The following NEU3 variants were observed in gnomAD, a reference collection of about 807,000 sequenced individuals.
NEU3 encodes the protein neuraminidase 3.
Under a neutral mutation model 11.4 loss-of-function variants are expected in NEU3, and 10 were observed. The observed-to-expected ratio is 0.88, with a 90% confidence interval of 0.54 to 1.49. The LOEUF is 1.49. Among genes scored for constraint, NEU3 ranks in the 40% most tolerant of loss-of-function variants. The pLI is 0.00. For synonymous variants in NEU3, 212 were observed against 228.2 expected, an observed-to-expected ratio of 0.93 and a Z score of 0.64; for missense variants, 529 against 581.8, an observed-to-expected ratio of 0.91 and a Z score of 0.93.
intron 1 of NEU3, among the ~76,000 whole-genome samples, chr11:74,992,968 A>G (rs1416821251): frequency 6.6e-6 from 1 of 152,178 alleles, no homozygotes; most frequent in Non-Finnish European, 1.5e-5. Flanking sequence ...CTCAAAAGAA[A>G]AAAAATAACA....
chr11:74,980,687 A>C, the NEU3 span, among the ~76,000 whole-genome samples: 1 of 152,250 alleles, frequency 6.6e-6, no homozygotes, highest in African/African-American at 2.4e-5. Context: ...TTTTAAATAC[A>C]TACACATATC....
downstream of NEU3, among the ~76,000 whole-genome samples, chr11:75,019,620 C>T (rs1251678623): frequency 6.6e-6 from 1 of 152,204 alleles, no homozygotes; most frequent in East Asian, 1.9e-4. Context: ...ATGGTTCCTG[C>T]CCCACGTGGT....
the NEU3 span, among the ~76,000 whole-genome samples, chr11:74,982,072 C>T: frequency 4.3e-4 from 65 of 152,286 alleles, no homozygotes; most frequent in African/African-American, 1.5e-3. Context: ...ATGGCCATGG[C>T]TGATGAATGA....
Position 75,006,645 on chromosome 11 carries a change from C to A in NEU3, c.*153C>A. 1.2e-6 allele frequency: 1 copy of A among 864,904 alleles called. No homozygotes were observed. The highest frequency in any genetic ancestry group is 1.7e-6 in the Non-Finnish European group (1 of 583,240). The allele number at this position is 864,904 out of a possible 1,614,324, so 53.6% of individuals were successfully genotyped here. A position where few individuals can be genotyped will look rare whatever the true frequency, so the allele number is the denominator to read the frequency against. Reference sequence around the variant, plus strand: ...CCAAAGAGCAAAATGAAAATTTTGCCTTAGCTACTGCAGTGGAAAGAGCAC... The same window carrying A: ...CCAAAGAGCAAAATGAAAATTTTGCATTAGCTACTGCAGTGGAAAGAGCAC... On this transcript the variant is annotated 3_prime_UTR_variant, in exon 3 of 3. Transcript: ENST00000294064.
At position 74,994,692 on chromosome 11, in the gene NEU3, G is replaced by A. The variant is rs375051567; in HGVS notation, c.278G>A (p.Arg93Gln). The A allele has an allele frequency of 5.0e-6, 8 of 1,613,908 alleles. No individual in the cohort carries two copies. The highest frequency in any genetic ancestry group is 2.7e-5 in the African/African-American group (2 of 74,934). ...DEDALHLVLR[R>Q]GLRIGQLVQW... ...GATGCTCTCCACCTGGTGCTGAGGC[G>A]AGGGTTGAGGATTGGGCAGTTGGTA... Residue 93 changes from arginine to glutamine, a missense_variant, in exon 2 of 3, where the codon CGA becomes CAA. Arg to Gln is a conservative substitution (Grantham distance 43). Coordinates refer to ENST00000294064, the MANE Select transcript of NEU3 (RefSeq NM_006656.6).
intron 1 of NEU3, among the ~76,000 whole-genome samples, chr11:74,991,530 G>A (rs1948732357): frequency 6.6e-6 from 1 of 152,204 alleles, no homozygotes; most frequent in African/African-American, 2.4e-5. Flanking sequence ...TGGAAGATTG[G>A]TCTAAAATCA....
intron 3 of NEU3, among the ~76,000 whole-genome samples, chr11:75,018,133 C>G (rs1565500978): frequency 6.6e-6 from 1 of 151,774 alleles, no homozygotes; most frequent in Admixed American, 6.6e-5. Flanking sequence ...AAATTCTGAG[C>G]CTACTTTTCT....
chr11:74,985,227 T>G (rs1263424618), upstream of NEU3, among the ~76,000 whole-genome samples: 1 of 152,116 alleles, frequency 6.6e-6, no homozygotes, highest in Non-Finnish European at 1.5e-5. Flanking sequence ...TTCAGACAAA[T>G]AAGGCTTAAA....
At position 75,001,112 on chromosome 11, in the gene NEU3, C is replaced by T. The variant is rs149115921; in HGVS notation, c.307-4301C>T. Among the ~76,000 whole-genome samples, 109 of 152,072 alleles carry T rather than the reference C, an allele frequency of 7.2e-4. No individual in the cohort carries two copies. The East Asian group carries it at 9.1e-3, about 13-fold the overall frequency. ...TGGTTCTAGTTTTCCACATCCCCAC[C>T]GACATTTGTCATTTTCTGGTGTGTG... is the stretch of plus-strand genomic sequence containing the variant. On this transcript the variant is annotated intron_variant, in intron 2 of 2. Coordinates refer to ENST00000294064, the MANE Select transcript of NEU3 (RefSeq NM_006656.6).
At position 75,006,623 on chromosome 11, in the gene NEU3, A is replaced by C; in HGVS notation, c.*131A>C. On this transcript the variant is annotated 3_prime_UTR_variant, in exon 3 of 3. Transcript: ENST00000294064. ...ACCTTTTTTCACTTTTCCTCCTCCA[A>C]AGAGCAAAATGAAAATTTTGCCTTA... The C allele has an allele frequency of 3.5e-6, 4 of 1,159,386 alleles. No individual in the cohort carries two copies. Among genetic ancestry groups the C allele is most frequent in the Non-Finnish European group, 4.7e-6 (4 of 849,624 alleles). 71.8% of individuals were successfully genotyped at this position (1,159,386 alleles called of 1,614,324 possible).
intron 1 of NEU3, among the ~76,000 whole-genome samples, chr11:74,994,263 A>G (rs1432293416): frequency 6.6e-6 from 1 of 152,208 alleles, no homozygotes; most frequent in Non-Finnish European, 1.5e-5. Flanking sequence ...CAAGATACAT[A>G]CTTGATACAG....
At chr11:74,997,690 C>CG (rs1948803965) in intron 2 of NEU3, among the ~76,000 whole-genome samples, 1 of 97,702 alleles carries the variant, frequency 1.0e-5, no homozygotes, top group Admixed American at 1.2e-4. Context: ...CTAAAAATAC[C>CG]AAAAAAAAAA....
intron 2 of NEU3, among the ~76,000 whole-genome samples, chr11:74,999,274 G>A (rs1948821055): frequency 6.6e-6 from 1 of 152,138 alleles, no homozygotes; most frequent in Non-Finnish European, 1.5e-5. Flanking sequence ...AGCCTCCTGA[G>A]TAGCCGCCAC....
the NEU3 span, among the ~76,000 whole-genome samples, chr11:74,983,140 C>T: frequency 2.0e-5 from 3 of 152,018 alleles, no homozygotes; most frequent in Non-Finnish European, 2.9e-5. Context: ...AGGCCTTTCA[C>T]GGGCTGGTTT....
At chr11:74,986,488 T>C (rs80312609), upstream of NEU3, among the ~76,000 whole-genome samples, 1,928 of 152,358 alleles carry the variant, frequency 0.013, 47 homozygotes, top group African/African-American at 0.044. Context: ...TGATTTAGAT[T>C]TTTAAATAGT....
intron 2 of NEU3, among the ~76,000 whole-genome samples, chr11:74,995,567 T>C (rs1948781772): frequency 1.3e-5 from 2 of 152,214 alleles, no homozygotes; most frequent in South Asian, 2.1e-4. Flanking sequence ...CATAAATTTT[T>C]TGGTTTCCCA....
chr11:75,004,379 C>T (rs963126033), intron 2 of NEU3: 2 of 584,844 alleles, frequency 3.4e-6, no homozygotes, highest in Non-Finnish European at 6.1e-6. Flanking sequence ...GCTGGGATTA[C>T]AGCATGAGCC....
At chr11:75,014,270 T>C (rs1416162973), downstream of NEU3, among the ~76,000 whole-genome samples, 1 of 152,218 alleles carries the variant, frequency 6.6e-6, no homozygotes, top group African/African-American at 2.4e-5. Context: ...CAGAACTTGA[T>C]AGCAGATGAA....
At chr11:75,000,152 C>G (rs931017843) in intron 2 of NEU3, among the ~76,000 whole-genome samples, 2 of 152,064 alleles carry the variant, frequency 1.3e-5, no homozygotes, top group Non-Finnish European at 2.9e-5. Flanking sequence ...AGCTACATAG[C>G]ACAATTGACT....
Sources: gnomAD v4.1 joint callset for allele counts (sites outside exome capture counted in the v4.1 genomes callset) on GRCh38, gnomAD v4.1.1 for gene constraint, MANE v1.5 for transcripts, NCBI Gene and HGNC (gene_info 2026-07-23, HGNC 2026-07-21) for gene names.